Variants in FBXO25 observed in about 807,000 individuals in gnomAD.
FBXO25 encodes F-box only protein 25.
FBXO25 carries 45 observed loss-of-function variants against 51.9 expected under a neutral mutation model. The ratio of observed to expected loss-of-function variants is 0.87; its 90% CI spans 0.68 to 1.11. FBXO25 has a LOEUF of 1.11. Among genes scored for constraint, FBXO25 ranks in the 50% most tolerant of loss-of-function variants. FBXO25 has a pLI of 0.00. For synonymous variants in FBXO25, 199 were observed against 151.0 expected, an observed-to-expected ratio of 1.32 and a Z score of -2.33; for missense variants, 507 against 428.5, an observed-to-expected ratio of 1.18 and a Z score of -1.62.
intron 7 of FBXO25, among the ~76,000 whole-genome samples, chr8:454,822 C>A (rs893951000): frequency 2.0e-5 from 3 of 147,044 alleles, no homozygotes; most frequent in Middle Eastern, 3.7e-3. Context: ...ACCCAGGAAG[C>A]AGAGGTTGCA....
Position 477,195 on chromosome 8 carries a change from C to G in FBXO25, c.*8391C>G, listed in dbSNP as rs1347294648. The G allele has an allele frequency of 1.3e-5, 2 of 152,202 alleles. No homozygotes were observed. The highest frequency in any genetic ancestry group is 2.4e-5 in the African/African-American group (1 of 41,442). The allele number at this position is 152,202 out of a possible 1,614,324, so 9.4% of individuals were successfully genotyped here. ...GAAATTTGTTGACTTGTTTAGTCAT[C>G]TAACATACTGTCTATCCTAGAGAAA... On this transcript the variant is annotated 3_prime_UTR_variant, in exon 10 of 10. Transcript: ENST00000350302.
At chr8:407,506 C>T in intron 1 of FBXO25, 2 of 923,774 alleles carry the variant, frequency 2.2e-6, no homozygotes, top group Non-Finnish European at 2.6e-6. Context: ...ACAGGTGCAC[C>T]GCGCGTCCTC....
intron 7 of FBXO25, among the ~76,000 whole-genome samples, chr8:456,176 G>A (rs1325673602): frequency 6.6e-6 from 1 of 152,184 alleles, no homozygotes; most frequent in Non-Finnish European, 1.5e-5. Context: ...CTTTTAGTTA[G>A]GGGTTAATTT....
intron 2 of FBXO25, among the ~76,000 whole-genome samples, chr8:418,540 A>T (rs930203995): frequency 1.3e-5 from 2 of 151,858 alleles, no homozygotes; most frequent in Non-Finnish European, 2.9e-5. Context: ...GGGTTTCACC[A>T]TATTGACCAG....
chr8:459,991 TAGG>T (rs1799703085), intron 8 of FBXO25, among the ~76,000 whole-genome samples: 1 of 151,730 alleles, frequency 6.6e-6, no homozygotes, highest in Non-Finnish European at 1.5e-5. Context: ...TTAATTTGAG[TAGG>T]AGAACAGTAG....
intron 9 of FBXO25, among the ~76,000 whole-genome samples, chr8:466,288 T>C (rs963870523): frequency 6.6e-6 from 1 of 152,204 alleles, no homozygotes; most frequent in Non-Finnish European, 1.5e-5. Flanking sequence ...CAAACCCAGA[T>C]TGGAGTCAGG....
At position 413,115 on chromosome 8, in the gene FBXO25, A is replaced by G. The variant is rs369217867; in HGVS notation, c.36A>G (p.Gly12=). 33 of 1,603,182 alleles carry G rather than the reference A, an allele frequency of 2.1e-5. No individual in the cohort carries two copies. Among genetic ancestry groups the G allele is most frequent in the Non-Finnish European group, 2.8e-5 (33 of 1,175,616 alleles). Residue 12 remains glycine (G), a synonymous_variant, in exon 2 of 10, where the codon GGA becomes GGG. Coordinates refer to ENST00000350302, the MANE Select transcript of FBXO25 (RefSeq NM_183420.2). ...PFLGQDWRSP[G]WSWIKTEDGW... is the part of the protein sequence containing the mutation. ...TGGGTCAGGACTGGAGATCTCCTGG[A>G]TGGAGTTGGATTAAGACAGAAGATG... is the stretch of plus-strand genomic sequence containing the variant.
intron 2 of FBXO25, among the ~76,000 whole-genome samples, chr8:415,765 G>T (rs1001864606): frequency 1.3e-5 from 2 of 152,150 alleles, no homozygotes; most frequent in African/African-American, 4.8e-5. Context: ...TAGTGTTTCT[G>T]CCACTCAGTT....
intron 9 of FBXO25, among the ~76,000 whole-genome samples, chr8:466,621 C>G (rs193083437): frequency 2.0e-5 from 3 of 152,222 alleles, no homozygotes. Flanking sequence ...GCATCTGTCT[C>G]AGGTCTGCAT....
At chr8:427,459 T>C (rs1259464325) in intron 2 of FBXO25, among the ~76,000 whole-genome samples, 3 of 151,294 alleles carry the variant, frequency 2.0e-5, no homozygotes, top group South Asian at 2.1e-4. Context: ...TTCTGTTTGG[T>C]AGCATATATG....
chr8:444,163 C>A (rs1798598425), intron 5 of FBXO25, among the ~76,000 whole-genome samples: 1 of 152,188 alleles, frequency 6.6e-6, no homozygotes, highest in Non-Finnish European at 1.5e-5. Context: ...GCTTACAGTT[C>A]ATTATAAATC....
chr8:457,766 C>T (rs137988877), intron 7 of FBXO25, among the ~76,000 whole-genome samples: 233 of 152,320 alleles, frequency 1.5e-3, no homozygotes, highest in African/African-American at 3.9e-3. Flanking sequence ...CGCATACAAG[C>T]ACAGAACACC....
intron 2 of FBXO25, among the ~76,000 whole-genome samples, chr8:428,012 C>G (rs1347640461): frequency 6.6e-6 from 1 of 152,050 alleles, no homozygotes; most frequent in Non-Finnish European, 1.5e-5. Context: ...GAGGAAAATG[C>G]AAATCTTATT....
intron 5 of FBXO25, among the ~76,000 whole-genome samples, chr8:438,251 G>A (rs1013357137): frequency 4.6e-5 from 7 of 151,980 alleles, no homozygotes; most frequent in African/African-American, 1.7e-4. Flanking sequence ...TAGAGATGGG[G>A]TTTCGCCATT....
Position 473,481 on chromosome 8 carries a change from G to C in FBXO25, c.*4677G>C, listed in dbSNP as rs1319095879. 6.6e-6 allele frequency: 1 copy of C among 152,258 alleles called. No individual in the cohort carries two copies. The highest frequency in any genetic ancestry group is 1.9e-4 in the East Asian group (1 of 5,196). The allele number at this position is 152,258 out of a possible 1,614,324, so 9.4% of individuals were successfully genotyped here. A position where few individuals can be genotyped will look rare whatever the true frequency, so the allele number is the denominator to read the frequency against. ...GGGCACCTGCCCCAATACAGGCCAC[G>C]TGGATCTGCCATTGCTTTTCACGTG... On this transcript the variant is annotated 3_prime_UTR_variant, in exon 10 of 10. Transcript: ENST00000350302.
intron 4 of FBXO25, 191 bp from the exon 5 acceptor site, chr8:435,424 A>T: frequency 1.5e-6 from 1 of 647,078 alleles, no homozygotes; most frequent in Non-Finnish European, 2.6e-6. Flanking sequence ...TGTCTCAGGT[A>T]TACATAAACA....
intron 5 of FBXO25, among the ~76,000 whole-genome samples, chr8:444,433 G>C (rs535957434): frequency 1.3e-5 from 2 of 152,108 alleles, no homozygotes; most frequent in East Asian, 3.8e-4. Flanking sequence ...AACTTTATTG[G>C]ATTCTAGTTT....
At chr8:460,277 A>G (rs547367050) in intron 8 of FBXO25, among the ~76,000 whole-genome samples, 1 of 152,182 alleles carries the variant, frequency 6.6e-6, no homozygotes, top group Non-Finnish European at 1.5e-5. Context: ...TTCTTAAAAG[A>G]GTTGCTTTAA....
At chr8:468,633 C>A in intron 9 of FBXO25, 82 bp from the exon 10 acceptor site, 1 of 1,034,740 alleles carries the variant, frequency 9.7e-7, no homozygotes, top group Non-Finnish European at 1.5e-6. Context: ...CATCAACAAG[C>A]AGCTGACGAC....
Sources: allele counts gnomAD v4.1 joint callset (sites outside exome capture counted in the v4.1 genomes callset), GRCh38; gene constraint gnomAD v4.1.1; transcripts MANE v1.5; gene names NCBI Gene and HGNC (gene_info 2026-07-23, HGNC 2026-07-21).